C2CD5: variants seen among roughly 807,000 people sequenced by gnomAD.
C2CD5 encodes the protein C2 calcium dependent domain containing 5, also known as C2 domain-containing protein 5.
Under a neutral mutation model 130.3 loss-of-function variants are expected in C2CD5, and 109 were observed. That is an observed-to-expected ratio of 0.84 (90% CI 0.72 to 0.98). The LOEUF (loss-of-function observed/expected upper bound fraction) is 0.98, where lower values mean the gene tolerates loss of function less well. Ranked by LOEUF, C2CD5 falls within the 50% of genes least tolerant of loss-of-function variation. The pLI is 0.00. For synonymous variants in C2CD5, 454 were observed against 429.2 expected, an observed-to-expected ratio of 1.06 and a Z score of -0.71; for missense variants, 996 against 1,261.8, an observed-to-expected ratio of 0.79 and a Z score of 3.19.
intron 12 of C2CD5, 25 bp from the exon 13 acceptor site, chr12:22,484,913 G>C: frequency 1.7e-6 from 2 of 1,190,930 alleles, no homozygotes. Context: ...AAAAAAATAA[G>C]ATATTCTTTA....
chr12:22,515,603 A>G (rs1413290545), intron 8 of C2CD5, among the ~76,000 whole-genome samples: 1 of 152,156 alleles, frequency 6.6e-6, no homozygotes, highest in Non-Finnish European at 1.5e-5. Flanking sequence ...ACTAAAAGAT[A>G]GCATCAATGG....
chr12:22,478,864 G>GAA (rs144707715), intron 14 of C2CD5, among the ~76,000 whole-genome samples: 3 of 148,640 alleles, frequency 2.0e-5, no homozygotes, highest in Non-Finnish European at 4.5e-5. Flanking sequence ...GAAAAAAAGG[G>GAA]AAAAAAAAAC....
At chr12:22,496,085 G>C (rs1030869942) in intron 10 of C2CD5, among the ~76,000 whole-genome samples, 10 of 151,906 alleles carry the variant, frequency 6.6e-5, no homozygotes, top group African/African-American at 2.4e-4. Flanking sequence ...TAAATTTAGG[G>C]GGCATTTAAT....
rs757806698 is a variant in C2CD5 at position 22,471,432 on chromosome 12, A to C, written c.2325T>G (p.Phe775Leu). The change falls in exon 20 of 27, where the codon TTT becomes TTG. Residue 775 changes from phenylalanine (F) to leucine (L), a missense_variant. Phe to Leu is a conservative substitution (Grantham distance 22). This residue lies in a region of C2CD5 where 590 missense variants were observed against 631.4 expected (regional missense o/e 0.93). Transcript: ENST00000446597. Reference protein sequence around the residue: ...MIPCCLCHVNFTVSLPEDELI... With the variant: ...MIPCCLCHVNLTVSLPEDELI... ...ATTCATCTTCAGGCAGAGATACTGT[A>C]AAATTTACATGGCAAAGGCAGCAGG... The C allele has an allele frequency of 1.3e-6, 2 of 1,596,450 alleles. No individual in the cohort carries two copies. Among genetic ancestry groups the C allele is most frequent in the South Asian group, 2.2e-5 (2 of 90,292 alleles).
At chr12:22,532,500 A>T (rs7980041) in intron 3 of C2CD5, among the ~76,000 whole-genome samples, 3,180 of 152,266 alleles carry the variant, frequency 0.021, 117 homozygotes, top group African/African-American at 0.07. Context: ...TCATCTGCAA[A>T]TTAGCAGGCA....
intron 9 of C2CD5, chr12:22,512,771 G>A: frequency 1.2e-6 from 1 of 829,952 alleles, no homozygotes; most frequent in Non-Finnish European, 1.8e-6. Flanking sequence ...AACAAATATA[G>A]CTAAATCTCA....
chr12:22,462,787 T>C (rs1941397995), intron 22 of C2CD5, among the ~76,000 whole-genome samples: 1 of 152,298 alleles, frequency 6.6e-6, no homozygotes, highest in East Asian at 1.9e-4. Flanking sequence ...GTAACAGTAC[T>C]AAGAAGTAGG....
At chr12:22,543,578 G>GC (rs1392566525) in intron 2 of C2CD5, among the ~76,000 whole-genome samples, 1 of 152,208 alleles carries the variant, frequency 6.6e-6, no homozygotes, top group African/African-American at 2.4e-5. Context: ...CAGCACTCTG[G>GC]CCACCCCTTC....
At chr12:22,465,501 C>T (rs1328103782) in intron 22 of C2CD5, among the ~76,000 whole-genome samples, 1 of 151,974 alleles carries the variant, frequency 6.6e-6, no homozygotes, top group Non-Finnish European at 1.5e-5. Flanking sequence ...AAGATGTAAG[C>T]CTTTAGATAT....
intron 12 of C2CD5, among the ~76,000 whole-genome samples, chr12:22,485,691 A>G (rs775041184): frequency 2.0e-5 from 3 of 152,188 alleles, no homozygotes; most frequent in Non-Finnish European, 4.4e-5. Context: ...GTTTGAATCC[A>G]AAGCCAATGT....
intron 26 of C2CD5, among the ~76,000 whole-genome samples, chr12:22,451,210 T>G (rs191548559): frequency 8.5e-5 from 13 of 152,146 alleles, no homozygotes; most frequent in Non-Finnish European, 1.8e-4. Flanking sequence ...TACTACCTAT[T>G]CAAAAATATA....
At chr12:22,490,620 A>G (rs1475590548) in intron 11 of C2CD5, among the ~76,000 whole-genome samples, 1 of 152,140 alleles carries the variant, frequency 6.6e-6, no homozygotes, top group Non-Finnish European at 1.5e-5. Context: ...AAATTATTCT[A>G]AAAGCACAAC....
intron 9 of C2CD5, among the ~76,000 whole-genome samples, chr12:22,511,240 TAAAG>T (rs749445823): frequency 2.0e-5 from 3 of 151,052 alleles, no homozygotes; most frequent in Non-Finnish European, 4.4e-5. Context: ...AAACGAATAT[TAAAG>T]AAAGGAATAT....
intron 2 of C2CD5, among the ~76,000 whole-genome samples, chr12:22,538,260 C>T (rs765989529): frequency 2.6e-5 from 4 of 152,048 alleles, no homozygotes; most frequent in Non-Finnish European, 5.9e-5. Flanking sequence ...TTAAAAAGTA[C>T]GAACAAAGAA....
chr12:22,540,855 T>C (rs1183083549), intron 2 of C2CD5, among the ~76,000 whole-genome samples: 2 of 152,128 alleles, frequency 1.3e-5, no homozygotes, highest in East Asian at 1.9e-4. Context: ...CAAGACTCTA[T>C]CTCAAAAAAA....
chr12:22,478,308 C>G lies in C2CD5; in HGVS notation c.1902+5G>C. 1 of 1,604,944 alleles carries G rather than the reference C, an allele frequency of 6.2e-7. No homozygotes were observed. The highest frequency in any genetic ancestry group is 8.5e-7 in the Non-Finnish European group (1 of 1,172,046). The stretch of plus-strand genomic sequence containing the variant: ...ACATTCACAATGTAGGTTTGTTTTA[C>G]TTACTGGAGGATTGATTTCATATAA... On this transcript the variant is annotated splice_donor_5th_base_variant and intron_variant, in intron 15 of 26. Transcript: ENST00000446597.
chr12:22,502,774 G>C (rs1216555225), intron 10 of C2CD5: 1 of 1,532,516 alleles, frequency 6.5e-7, no homozygotes, highest in Admixed American at 2.0e-5. Flanking sequence ...CAGTTTGTAA[G>C]ATCTTGTGTT....
intron 25 of C2CD5, among the ~76,000 whole-genome samples, chr12:22,455,697 G>A (rs1361832087): frequency 1.3e-5 from 2 of 151,574 alleles, no homozygotes; most frequent in Non-Finnish European, 2.9e-5. Context: ...ATCTTTTTTG[G>A]GGGGAAGGAT....
At position 22,449,742 on chromosome 12, in the gene C2CD5, C is replaced by A. The variant is rs1938104542; in HGVS notation, c.*18G>T. 6.4e-7 allele frequency: 1 copy of A among 1,561,598 alleles called. No homozygotes were observed. The highest frequency in any genetic ancestry group is 1.2e-5 in the South Asian group (1 of 85,028). On this transcript the variant is annotated 3_prime_UTR_variant, in exon 27 of 27. Coordinates refer to ENST00000446597, the MANE Select transcript of C2CD5 (RefSeq NM_001286176.2). The stretch of plus-strand genomic sequence containing the variant: ...TTGATGAATTTCATTTAGTTGAGCT[C>A]TTTTTTCCTAATTTTCCTCAGGTTG...
Sources: allele counts gnomAD v4.1 joint callset (sites outside exome capture counted in the v4.1 genomes callset), GRCh38; gene constraint gnomAD v4.1.1; regional missense constraint gnomAD v4.1.1; transcripts MANE v1.5; gene names NCBI Gene and HGNC (gene_info 2026-07-23, HGNC 2026-07-21).